CDH4: variants seen among roughly 807,000 people sequenced by gnomAD.
CDH4 encodes the protein cadherin-4.
In CDH4, 33 loss-of-function variants were observed where a neutral mutation model predicts 86.0. That is an observed-to-expected ratio of 0.38 (90% confidence interval 0.29 to 0.51). The LOEUF is 0.51. CDH4 is among the 20% of genes least tolerant of loss of function. The pLI is 0.86. For missense variants in CDH4, 1,114 were observed against 1,307.4 expected (o/e 0.85, Z 2.28); for synonymous variants, 555 against 549.4 (o/e 1.01, Z -0.14).
intron 4 of CDH4, among the ~76,000 whole-genome samples, chr20:61,826,556 A>G (rs939281944): frequency 1.6e-4 from 25 of 152,162 alleles, no homozygotes; most frequent in Middle Eastern, 3.2e-3. Context: ...TAGGGCGGTG[A>G]TGGGGGTGGG....
At chr20:61,590,881 G>A (rs1053608506) in intron 2 of CDH4, among the ~76,000 whole-genome samples, 1 of 152,106 alleles carries the variant, frequency 6.6e-6, no homozygotes, top group Non-Finnish European at 1.5e-5. Context: ...ATCTATGGGG[G>A]GGGGGGTCCC....
chr20:61,646,526 C>A (rs4344986), intron 2 of CDH4, among the ~76,000 whole-genome samples: 47,587 of 152,110 alleles, frequency 0.31, 7,852 homozygotes, highest in East Asian at 0.57. Flanking sequence ...CCGTTCACCC[C>A]CTCTGGGCCT....
chr20:61,365,375 C>A (rs758131180), intron 2 of CDH4, among the ~76,000 whole-genome samples: 1 of 152,076 alleles, frequency 6.6e-6, no homozygotes, highest in African/African-American at 2.4e-5. Flanking sequence ...AGAACATGGG[C>A]GTGGCTGGTC....
In CDH4 at chr20:61,939,647, G is replaced by A. The variant is rs951414488; in HGVS notation, c.*2704G>A. 17 of 152,268 alleles carry A rather than the reference G, an allele frequency of 1.1e-4. No homozygotes were observed. The highest frequency in any genetic ancestry group is 3.6e-4 in the African/African-American group (15 of 41,468). The allele number at this position is 152,268 out of a possible 1,614,324, so 9.4% of individuals were successfully genotyped here. Reference sequence around the variant, plus strand: ...CTCTCTTCCTTAAGCTTGTAGATACGACTGCCTATAATCAGGGGACTCCCA... The same window carrying A: ...CTCTCTTCCTTAAGCTTGTAGATACAACTGCCTATAATCAGGGGACTCCCA... On this transcript the variant is annotated 3_prime_UTR_variant, in exon 16 of 16. Transcript: ENST00000614565.
intron 2 of CDH4, chr20:61,499,433 C>T (rs1044092656): frequency 4.5e-5 from 58 of 1,288,412 alleles, no homozygotes; most frequent in African/African-American, 6.1e-5. Context: ...AACAAGGATT[C>T]GATGAACGGC....
intron 9 of CDH4, among the ~76,000 whole-genome samples, chr20:61,918,114 T>TG (rs113191996): frequency 1.1e-4 from 17 of 152,280 alleles, no homozygotes; most frequent in African/African-American, 2.2e-4. Context: ...TGGACAGCTC[T>TG]GGGGGGGACC....
Position 61,478,823 on chromosome 20 carries a change from G to A in CDH4, c.169+223886G>A, listed in dbSNP as rs376279354. On this transcript the variant is annotated intron_variant, in intron 2 of 15. Coordinates refer to ENST00000614565, the MANE Select transcript of CDH4 (RefSeq NM_001794.5). Reference sequence around the variant, plus strand: ...CGTTTCTGGTGCTGGCCATTCGTTCGTGTGGGCACCTGCTTCTGTCTGGCT... The same window carrying A: ...CGTTTCTGGTGCTGGCCATTCGTTCATGTGGGCACCTGCTTCTGTCTGGCT... Among the ~76,000 whole-genome samples, 26 of 152,370 alleles carry A rather than the reference G, an allele frequency of 1.7e-4. No homozygotes were observed. In the South Asian group the frequency reaches 2.7e-3, roughly 16 times the overall value.
chr20:61,364,800 T>G (rs1281221266), intron 2 of CDH4, among the ~76,000 whole-genome samples: 1 of 152,152 alleles, frequency 6.6e-6, no homozygotes, highest in Non-Finnish European at 1.5e-5. Flanking sequence ...CAGAAGACGA[T>G]GAGAATTTAG....
intron 2 of CDH4, among the ~76,000 whole-genome samples, chr20:61,739,992 A>G (rs1342019910): frequency 3.9e-5 from 6 of 152,208 alleles, no homozygotes; most frequent in African/African-American, 1.2e-4. Context: ...CGACACCCAC[A>G]CATACATGGG....
intron 3 of CDH4, among the ~76,000 whole-genome samples, chr20:61,760,246 A>G (rs1946910259): frequency 6.6e-6 from 1 of 152,202 alleles, no homozygotes; most frequent in Admixed American, 6.5e-5. Flanking sequence ...CTAATTAGGA[A>G]CAACATGAAA....
At chr20:61,654,915 G>T (rs937118038) in intron 2 of CDH4, among the ~76,000 whole-genome samples, 1 of 62,294 alleles carries the variant, frequency 1.6e-5, no homozygotes, top group Non-Finnish European at 5.0e-5. Context: ...ACAGGGACAC[G>T]GGGGCCTGAG....
chr20:61,573,558 C>T (rs2086360791), intron 2 of CDH4, among the ~76,000 whole-genome samples: 1 of 152,270 alleles, frequency 6.6e-6, no homozygotes, highest in African/African-American at 2.4e-5. Context: ...TGGAGGGGGT[C>T]GTGTCCCACA....
chr20:61,498,621 AAC>A (rs2085678857), intron 2 of CDH4, among the ~76,000 whole-genome samples: 1 of 152,104 alleles, frequency 6.6e-6, no homozygotes, highest in African/African-American at 2.4e-5. Flanking sequence ...CCTCCCAAAA[AAC>A]ACACGTAGTT....
Position 61,593,852 on chromosome 20 carries a change from G to A in CDH4, c.170-149711G>A, listed in dbSNP as rs78455285. 4.2e-3 allele frequency among the ~76,000 whole-genome samples: 636 copies of A among 151,454 alleles called. 4 individuals carry two copies. The highest frequency in any genetic ancestry group is 0.013 in the African/African-American group (544 of 41,198). On this transcript the variant is annotated intron_variant, in intron 2 of 15. Coordinates refer to ENST00000614565, the MANE Select transcript of CDH4 (RefSeq NM_001794.5). ...GCAGCTGTAACATTCGTTGAGGTGC[G>A]TGCTGCTCACCAAGGGTCCCCCCAG...
intron 2 of CDH4, among the ~76,000 whole-genome samples, chr20:61,375,171 G>A (rs970516240): frequency 6.6e-6 from 1 of 152,180 alleles, no homozygotes; most frequent in Non-Finnish European, 1.5e-5. Context: ...ACAGGCCAGG[G>A]TCACTCATAT....
chr20:61,360,618 C>G (rs1432966810), intron 2 of CDH4, among the ~76,000 whole-genome samples: 1 of 152,198 alleles, frequency 6.6e-6, no homozygotes, highest in African/African-American at 2.4e-5. Context: ...ATGTCACCAC[C>G]CAGTCCAGCC....
intron 2 of CDH4, among the ~76,000 whole-genome samples, chr20:61,546,231 A>T (rs75015028): frequency 2.1e-5 from 3 of 139,692 alleles, no homozygotes; most frequent in African/African-American, 8.1e-5. Flanking sequence ...GGGTGTGTGC[A>T]TGTGTGTGGG....
chr20:61,786,487 C>T (rs1978889115), intron 4 of CDH4, among the ~76,000 whole-genome samples: 1 of 152,080 alleles, frequency 6.6e-6, no homozygotes, highest in Admixed American at 6.6e-5. Context: ...TTTAATTGCT[C>T]GTGTGAAAGG....
At chr20:61,423,358 GTTTC>G (rs2085190864) in intron 2 of CDH4, among the ~76,000 whole-genome samples, 1 of 152,160 alleles carries the variant, frequency 6.6e-6, no homozygotes, top group South Asian at 2.1e-4. Context: ...ACTGCCTCAT[GTTTC>G]TTTCTAAATA....
Sources: allele counts gnomAD v4.1 joint callset (sites outside exome capture counted in the v4.1 genomes callset), GRCh38; gene constraint gnomAD v4.1.1; transcripts MANE v1.5; gene names NCBI Gene and HGNC (gene_info 2026-07-23, HGNC 2026-07-21).